The following CNTNAP5 variants were observed in gnomAD, a reference collection of about 807,000 sequenced individuals.
The protein encoded by CNTNAP5 is contactin-associated protein-like 5.
Under a neutral mutation model 150.2 loss-of-function variants are expected in CNTNAP5, and 72 were observed. That is an observed-to-expected ratio of 0.48 (90% CI 0.40 to 0.58). The LOEUF is 0.58. CNTNAP5 is among the 20% of genes least tolerant of loss of function. The probability of loss-of-function intolerance (pLI) is 0.00; values close to 1 mark genes in which losing one functional copy is unlikely to be tolerated. For missense variants in CNTNAP5, 1,636 were observed against 1,626.2 expected (o/e 1.01, Z -0.10); for synonymous variants, 672 against 619.8 (o/e 1.08, Z -1.25).
At chr2:124,035,910 CTTTTTT>C (rs759598012) in intron 1 of CNTNAP5, among the ~76,000 whole-genome samples, 29 of 76,528 alleles carry the variant, frequency 3.8e-4, no homozygotes, top group South Asian at 6.8e-4. Flanking sequence ...AGGATGAACT[CTTTTTT>C]TTTTTTTTTT....
At chr2:124,804,457 G>A (rs181703229) in intron 19 of CNTNAP5, among the ~76,000 whole-genome samples, 13 of 152,302 alleles carry the variant, frequency 8.5e-5, no homozygotes, top group Admixed American at 6.5e-5. Flanking sequence ...TATGAACTGA[G>A]TTGTGAACCA....
chr2:124,778,192 C>T (rs1440076793), intron 17 of CNTNAP5, among the ~76,000 whole-genome samples: 1 of 152,020 alleles, frequency 6.6e-6, no homozygotes, highest in Non-Finnish European at 1.5e-5. Flanking sequence ...CAAGGGAAGC[C>T]CCAGTTGGAA....
chr2:124,407,519 G>A (rs549818785), intron 3 of CNTNAP5, among the ~76,000 whole-genome samples: 1 of 152,214 alleles, frequency 6.6e-6, no homozygotes, highest in East Asian at 1.9e-4. Context: ...GCCCAGGGGA[G>A]TTGCTAGAGA....
At chr2:124,370,228 G>T (rs1438868960) in intron 3 of CNTNAP5, among the ~76,000 whole-genome samples, 1 of 152,148 alleles carries the variant, frequency 6.6e-6, no homozygotes, top group Admixed American at 6.6e-5. Flanking sequence ...ACACTGTTTT[G>T]CAGAGACCAC....
At chr2:124,672,550 C>G (rs895019661) in intron 13 of CNTNAP5, among the ~76,000 whole-genome samples, 4 of 152,168 alleles carry the variant, frequency 2.6e-5, no homozygotes, top group Admixed American at 2.0e-4. Context: ...GACCTTTGGT[C>G]CTCAAGGCCT....
At position 124,218,830 on chromosome 2, in the gene CNTNAP5, C is replaced by T. The variant is rs547246257; in HGVS notation, c.83-2875C>T. ...CTGATAGATACCAATTTTACTGGTTCGCTGTAATCATAGTGAAAGTCTCCT... is the reference window on the plus strand; with the variant it reads ...CTGATAGATACCAATTTTACTGGTTTGCTGTAATCATAGTGAAAGTCTCCT... On this transcript the variant is annotated intron_variant, in intron 1 of 23. Transcript: ENST00000682447. 3.9e-5 allele frequency among the ~76,000 whole-genome samples: 6 copies of T among 152,178 alleles called. No homozygotes were observed. The South Asian group carries it at 6.2e-4, about 16-fold the overall frequency.
At chr2:124,040,481 T>C (rs1180726425) in intron 1 of CNTNAP5, among the ~76,000 whole-genome samples, 1 of 152,158 alleles carries the variant, frequency 6.6e-6, no homozygotes, top group Non-Finnish European at 1.5e-5. Flanking sequence ...AGGTATTGAT[T>C]CGTCGTTTTC....
At chr2:124,784,404 A>T (rs564220951) in intron 17 of CNTNAP5, among the ~76,000 whole-genome samples, 1 of 152,316 alleles carries the variant, frequency 6.6e-6, no homozygotes, top group Admixed American at 6.5e-5. Context: ...CAACTGACAC[A>T]TGGAGGTTTT....
chr2:124,583,628 C>T (rs1696463138), intron 11 of CNTNAP5, among the ~76,000 whole-genome samples: 1 of 152,158 alleles, frequency 6.6e-6, no homozygotes, highest in South Asian at 2.1e-4. Context: ...TATATTTCGA[C>T]TTAGGGGAAA....
chr2:124,649,102 T>G (rs2105029263), intron 13 of CNTNAP5, among the ~76,000 whole-genome samples: 1 of 152,316 alleles, frequency 6.6e-6, no homozygotes, highest in East Asian at 1.9e-4. Flanking sequence ...AATGAAAATC[T>G]TTCTCAAATG....
chr2:124,453,036 ATT>A (rs779236519), intron 6 of CNTNAP5, among the ~76,000 whole-genome samples: 1 of 152,170 alleles, frequency 6.6e-6, no homozygotes, highest in Non-Finnish European at 1.5e-5. Flanking sequence ...GAAATCCCTG[ATT>A]TACCTGAAAA....
At chr2:124,520,407 T>C (rs1184064015) in intron 8 of CNTNAP5, among the ~76,000 whole-genome samples, 1 of 152,166 alleles carries the variant, frequency 6.6e-6, no homozygotes, top group East Asian at 1.9e-4. Flanking sequence ...AGGTATGACA[T>C]TCTTGGGATT....
chr2:124,177,700 A>G (rs930353767), intron 1 of CNTNAP5, among the ~76,000 whole-genome samples: 11 of 152,184 alleles, frequency 7.2e-5, no homozygotes, highest in African/African-American at 2.7e-4. Flanking sequence ...ACACACAAAC[A>G]CACTTCTCGC....
chr2:124,911,317 T>G, intron 22 of CNTNAP5, 150 bp from the exon 23 acceptor site: 1 of 631,176 alleles, frequency 1.6e-6, no homozygotes, highest in East Asian at 2.8e-5. Flanking sequence ...TTGTGCATGT[T>G]TTTTGAGTTC....
intron 11 of CNTNAP5, among the ~76,000 whole-genome samples, chr2:124,575,902 A>T (rs1696272541): frequency 6.6e-6 from 1 of 152,230 alleles, no homozygotes; most frequent in Non-Finnish European, 1.5e-5. Context: ...CAAATCAGAT[A>T]ACAGGCCACA....
At chr2:124,854,934 T>A (rs113126571) in intron 19 of CNTNAP5, among the ~76,000 whole-genome samples, 199 of 152,084 alleles carry the variant, frequency 1.3e-3, no homozygotes, top group African/African-American at 4.7e-3. Flanking sequence ...GCCAGACATA[T>A]TAGGAGGCAA....
intron 21 of CNTNAP5, among the ~76,000 whole-genome samples, chr2:124,870,705 T>A (rs772882584): frequency 2.0e-5 from 3 of 152,174 alleles, no homozygotes; most frequent in Non-Finnish European, 4.4e-5. Context: ...AGTTAGTTGC[T>A]TACAAGATTG....
chr2:124,794,112 C>T (rs1331945222), intron 18 of CNTNAP5, among the ~76,000 whole-genome samples: 1 of 152,184 alleles, frequency 6.6e-6, no homozygotes, highest in Non-Finnish European at 1.5e-5. Context: ...TATTTGTAAG[C>T]ATCCATCTTA....
At chr2:124,523,587 C>A (rs1013597635) in intron 8 of CNTNAP5, among the ~76,000 whole-genome samples, 5 of 152,142 alleles carry the variant, frequency 3.3e-5, no homozygotes, top group Non-Finnish European at 7.4e-5. Context: ...GAGAAAAGAA[C>A]CTTACAAAAG....
Sources: gnomAD v4.1 joint callset for allele counts (sites outside exome capture counted in the v4.1 genomes callset) on GRCh38, gnomAD v4.1.1 for gene constraint, MANE v1.5 for transcripts, NCBI Gene and HGNC (gene_info 2026-07-23, HGNC 2026-07-21) for gene names.